Variants in ME1 observed in about 807,000 individuals in gnomAD.
ME1 encodes the protein malic enzyme 1.
In ME1, 74 loss-of-function variants were observed where a neutral mutation model predicts 66.4. The ratio of observed to expected loss-of-function variants is 1.11; its 90% CI spans 0.92 to 1.35. ME1 has a LOEUF of 1.35. Among genes scored for constraint, ME1 ranks in the 40% most tolerant of loss-of-function variants. ME1 has a pLI of 0.00. For missense variants in ME1, 750 were observed against 694.1 expected, an observed-to-expected ratio of 1.08 and a Z score of -0.90; for synonymous variants, 251 against 235.6, an observed-to-expected ratio of 1.07 and a Z score of -0.60.
chr6:83,228,327 C>A (rs1157017375), intron 10 of ME1, among the ~76,000 whole-genome samples: 1 of 152,184 alleles, frequency 6.6e-6, no homozygotes, highest in Admixed American at 6.5e-5. Flanking sequence ...TCAACCTCAG[C>A]ACTATTGACA....
At chr6:83,235,069 A>G (rs528405119) in intron 9 of ME1, among the ~76,000 whole-genome samples, 1 of 152,178 alleles carries the variant, frequency 6.6e-6, no homozygotes, top group Non-Finnish European at 1.5e-5. Context: ...TCAGTTTTGT[A>G]TATAGGAAAT....
intron 7 of ME1, among the ~76,000 whole-genome samples, chr6:83,242,435 T>G (rs773487824): frequency 1.3e-5 from 2 of 152,142 alleles, no homozygotes; most frequent in Non-Finnish European, 2.9e-5. Flanking sequence ...CTAAATAGAT[T>G]GGGTAAAATA....
chr6:83,329,683 A>AT (rs1451319529), intron 5 of ME1, among the ~76,000 whole-genome samples: 1 of 152,034 alleles, frequency 6.6e-6, no homozygotes, highest in Non-Finnish European at 1.5e-5. Flanking sequence ...ACTGTTGTGC[A>AT]TTTTTTCATA....
At chr6:83,398,002 T>A (rs1769770316) in intron 3 of ME1, among the ~76,000 whole-genome samples, 1 of 152,060 alleles carries the variant, frequency 6.6e-6, no homozygotes, top group South Asian at 2.1e-4. Flanking sequence ...GTTGCGGGAT[T>A]AGGGAAATGC....
chr6:83,271,119 G>C (rs892370071), intron 6 of ME1, among the ~76,000 whole-genome samples: 2 of 151,752 alleles, frequency 1.3e-5, no homozygotes, highest in African/African-American at 4.8e-5. Context: ...GTCTCAAGAC[G>C]AATGGGCCCA....
chr6:83,283,966 G>A (rs1286121799), intron 6 of ME1, among the ~76,000 whole-genome samples: 2 of 151,934 alleles, frequency 1.3e-5, no homozygotes, highest in Non-Finnish European at 2.9e-5. Context: ...TTTGAAAGAG[G>A]GAACAAGATC....
At chr6:83,219,164 T>C (rs547556047) in intron 12 of ME1, among the ~76,000 whole-genome samples, 1 of 152,236 alleles carries the variant, frequency 6.6e-6, no homozygotes, top group Non-Finnish European at 1.5e-5. Flanking sequence ...TGTTAATTGC[T>C]CCACTGAATT....
intron 3 of ME1, among the ~76,000 whole-genome samples, chr6:83,394,805 A>G (rs1340135034): frequency 6.6e-6 from 1 of 152,134 alleles, no homozygotes; most frequent in Non-Finnish European, 1.5e-5. Flanking sequence ...ATTTATTTCG[A>G]TTGTTTCTTC....
At chr6:83,344,894 T>A (rs1279373868) in intron 5 of ME1, among the ~76,000 whole-genome samples, 2 of 151,500 alleles carry the variant, frequency 1.3e-5, no homozygotes, top group Admixed American at 6.6e-5. Flanking sequence ...AAAAATAAAA[T>A]AAAATAAAAT....
Position 83,299,294 on chromosome 6 carries a change from G to A in ME1, c.704+16016C>T, listed in dbSNP as rs569605608. 2.6e-5 allele frequency among the ~76,000 whole-genome samples: 4 copies of A among 152,170 alleles called. No homozygotes were observed. In the South Asian group the frequency reaches 8.3e-4, roughly 32 times the overall value. On this transcript the variant is annotated intron_variant, in intron 6 of 13. Transcript: ENST00000369705. ...CTCTTACTGCCTTGAGCAGTGGTTT[G>A]TAGTTCTTCCTGAAGAGGTCCTTCG...
intron 9 of ME1, among the ~76,000 whole-genome samples, chr6:83,233,855 G>A (rs1282372395): frequency 6.6e-6 from 1 of 151,914 alleles, no homozygotes; most frequent in Non-Finnish European, 1.5e-5. Flanking sequence ...CTAAGGCTTA[G>A]TTCTGCAACA....
At chr6:83,376,674 A>G (rs1769297319) in intron 3 of ME1, among the ~76,000 whole-genome samples, 1 of 151,152 alleles carries the variant, frequency 6.6e-6, no homozygotes. Flanking sequence ...GTGGTGGCGG[A>G]CGCCTATAAT....
At chr6:83,262,044 G>A (rs548614509) in intron 6 of ME1, among the ~76,000 whole-genome samples, 2 of 148,990 alleles carry the variant, frequency 1.3e-5, no homozygotes, top group African/African-American at 2.5e-5. Flanking sequence ...AAAAGAAAAA[G>A]CATGAAGTAT....
chr6:83,253,854 T>A lies in ME1; in HGVS notation c.705-116A>T. The A allele has an allele frequency of 5.3e-6, 3 of 570,394 alleles. No homozygotes were observed. The East Asian group carries it at 8.4e-5, about 16-fold the overall frequency. 35.3% of individuals were successfully genotyped at this position (570,394 alleles called of 1,614,324 possible). The stretch of plus-strand genomic sequence containing the variant: ...ATTATTTCCTTTTAAAGGTTCTATC[T>A]TGCTGCTTAAGTATAAATATGTAAT... On this transcript the variant is annotated intron_variant, in intron 6 of 13. Transcript: ENST00000369705.
At position 83,229,908 on chromosome 6, in the gene ME1, GA is replaced by G. The variant is rs1264388854; in HGVS notation, c.1027-978del. Among the ~76,000 whole-genome samples, 3 of 152,090 alleles carry G rather than the reference GA, an allele frequency of 2.0e-5. No homozygotes were observed. In the East Asian group the frequency reaches 5.8e-4, roughly 29 times the overall value. ...GTGGATCAGAGGTCACTGCAGCCTT[GA>G]ACTCCTGGGGTCAAGGGATCCTCCC... On this transcript the variant is annotated intron_variant, in intron 9 of 13. Coordinates refer to ENST00000369705, the MANE Select transcript of ME1 (RefSeq NM_002395.6).
intron 5 of ME1, among the ~76,000 whole-genome samples, chr6:83,332,543 T>G (rs1481311207): frequency 1.3e-5 from 2 of 152,180 alleles, no homozygotes; most frequent in Non-Finnish European, 2.9e-5. Flanking sequence ...AAAGAAAATT[T>G]TCACATATAT....
intron 6 of ME1, among the ~76,000 whole-genome samples, chr6:83,284,328 C>T (rs1347333295): frequency 6.6e-6 from 1 of 151,996 alleles, no homozygotes; most frequent in African/African-American, 2.4e-5. Context: ...AAAAGCTGGT[C>T]CATATTCCAC....
chr6:83,346,495 A>C (rs1483100480), intron 4 of ME1, among the ~76,000 whole-genome samples, 161 bp from the exon 5 acceptor site: 3 of 152,244 alleles, frequency 2.0e-5, no homozygotes, highest in African/African-American at 7.2e-5. Flanking sequence ...ATTGTGGAAG[A>C]ATAGGGTGAA....
intron 3 of ME1, among the ~76,000 whole-genome samples, chr6:83,385,919 A>G (rs1468377054): frequency 6.6e-6 from 1 of 151,916 alleles, no homozygotes; most frequent in East Asian, 1.9e-4. Flanking sequence ...CTATATCTCT[A>G]TAATAAATAA....
Sources: gnomAD v4.1 joint callset for allele counts (sites outside exome capture counted in the v4.1 genomes callset) on GRCh38, gnomAD v4.1.1 for gene constraint, MANE v1.5 for transcripts, NCBI Gene and HGNC (gene_info 2026-07-23, HGNC 2026-07-21) for gene names.